Variants in DSCAML1 observed in about 807,000 individuals in gnomAD.
DSCAML1 encodes the protein cell adhesion molecule DSCAML1.
Under a neutral mutation model 200.5 loss-of-function variants are expected in DSCAML1, and 38 were observed. That is an observed-to-expected ratio of 0.19 (90% confidence interval 0.15 to 0.25). The LOEUF (loss-of-function observed/expected upper bound fraction) is 0.25, where lower values mean the gene tolerates loss of function less well. Among genes scored for constraint, DSCAML1 ranks in the 10% least tolerant of loss-of-function variants. The pLI is 1.00. For missense variants in DSCAML1, 2,223 were observed against 2,858.8 expected, an observed-to-expected ratio of 0.78 and a Z score of 5.07; for synonymous variants, 1,215 against 1,165.0, an observed-to-expected ratio of 1.04 and a Z score of -0.87.
intron 3 of DSCAML1, among the ~76,000 whole-genome samples, chr11:117,663,571 C>T (rs556074094): frequency 6.6e-6 from 1 of 152,096 alleles, no homozygotes; most frequent in African/African-American, 2.4e-5. Context: ...AGGAGTGAAC[C>T]CAGTCTCTTC....
chr11:117,736,996 A>G (rs535111352), intron 3 of DSCAML1, among the ~76,000 whole-genome samples: 1 of 152,294 alleles, frequency 6.6e-6, no homozygotes, highest in East Asian at 1.9e-4. Flanking sequence ...ACGAGACCAC[A>G]TTGTCAAGCA....
chr11:117,802,883 T>C (rs2055674088), intron 1 of DSCAML1, among the ~76,000 whole-genome samples: 1 of 152,216 alleles, frequency 6.6e-6, no homozygotes, highest in Non-Finnish European at 1.5e-5. Context: ...CCCAGAGGCA[T>C]ATTTGGGATG....
chr11:117,625,985 C>T (rs373828620), intron 3 of DSCAML1, among the ~76,000 whole-genome samples: 10 of 152,306 alleles, frequency 6.6e-5, no homozygotes, highest in South Asian at 2.1e-4. Flanking sequence ...GTCTGGACAT[C>T]GGTGGAGGAG....
chr11:117,450,524 A>G (rs374910455), intron 20 of DSCAML1, 25 bp downstream of exon 20: 17 of 1,608,992 alleles, frequency 1.1e-5, no homozygotes, highest in South Asian at 4.4e-5. Flanking sequence ...CATCCCCTTC[A>G]TCATCTGGCC....
At position 117,489,395 on chromosome 11, in the gene DSCAML1, T is replaced by C. The variant is rs2049143881; in HGVS notation, c.2360-7233A>G. ...GGAGGCTTTAATGAAATACAACTTC[T>C]CTGCTTTCCTGCAATCTAATTCAAT... On this transcript the variant is annotated intron_variant, in intron 11 of 32. Transcript: ENST00000651296. This position sits in a 1 kb window ranked among gnomAD's most constrained non-coding sequence, Gnocchi z 4.8. Among the ~76,000 whole-genome samples the C allele has an allele frequency of 6.6e-6, 1 of 152,226 alleles. No homozygotes were observed. The highest frequency in any genetic ancestry group is 1.5e-5 in the Non-Finnish European group (1 of 68,034).
At chr11:117,678,966 G>A (rs2053264829) in intron 3 of DSCAML1, among the ~76,000 whole-genome samples, 1 of 152,250 alleles carries the variant, frequency 6.6e-6, no homozygotes, top group Admixed American at 6.5e-5. Context: ...AGTGCCAGAG[G>A]CAGGTTCAAG....
At chr11:117,605,247 C>G (rs1490723747) in intron 3 of DSCAML1, among the ~76,000 whole-genome samples, 2 of 152,078 alleles carry the variant, frequency 1.3e-5, no homozygotes, top group Non-Finnish European at 2.9e-5. Context: ...CCCACTACCC[C>G]CACCCCAAAG....
chr11:117,525,406 C>A (rs189370745), intron 4 of DSCAML1, among the ~76,000 whole-genome samples: 33 of 151,428 alleles, frequency 2.2e-4, no homozygotes, highest in South Asian at 1.9e-3. Flanking sequence ...GCAAGACGTG[C>A]AGGGAGGGAG....
upstream of DSCAML1, chr11:117,801,283 T>C (rs907672656): frequency 3.9e-5 from 6 of 152,214 alleles, no homozygotes; most frequent in African/African-American, 9.7e-5. Flanking sequence ...TTCTTCACCA[T>C]TGAGGTGAAA....
chr11:117,636,257 A>G (rs1812326975), intron 3 of DSCAML1, among the ~76,000 whole-genome samples: 1 of 152,164 alleles, frequency 6.6e-6, no homozygotes, highest in African/African-American at 2.4e-5. Context: ...TGGCCAGAAC[A>G]TTTGGGGAAT....
intron 3 of DSCAML1, among the ~76,000 whole-genome samples, chr11:117,613,108 T>G (rs1190335666): frequency 6.6e-6 from 1 of 152,032 alleles, no homozygotes; most frequent in South Asian, 2.1e-4. Flanking sequence ...AGAGGGTCCA[T>G]GCTCCCCCCA....
At chr11:117,456,686 T>TTG (rs2048376613) in intron 19 of DSCAML1, among the ~76,000 whole-genome samples, 1 of 150,888 alleles carries the variant, frequency 6.6e-6, no homozygotes, top group African/African-American at 2.4e-5. Context: ...TTTTTTTTTT[T>TTG]CTTTTTGAGA....
At chr11:117,714,405 T>G (rs913435062) in intron 3 of DSCAML1, among the ~76,000 whole-genome samples, 4 of 152,156 alleles carry the variant, frequency 2.6e-5, no homozygotes, top group African/African-American at 9.7e-5. Context: ...AGGTGGTGCC[T>G]GCTCAGAAAT....
At chr11:117,717,537 T>A (rs985709786) in intron 3 of DSCAML1, among the ~76,000 whole-genome samples, 1 of 152,174 alleles carries the variant, frequency 6.6e-6, no homozygotes, top group African/African-American at 2.4e-5. Context: ...AGCTCAGAAA[T>A]AAAAGACCCT....
chr11:117,685,992 G>A (rs935384105), intron 3 of DSCAML1, among the ~76,000 whole-genome samples: 1 of 152,126 alleles, frequency 6.6e-6, no homozygotes, highest in Non-Finnish European at 1.5e-5. Flanking sequence ...TGGGAGGGAG[G>A]GTTCTGATGC....
At chr11:117,795,688 G>C (rs1043768895) in intron 1 of DSCAML1, among the ~76,000 whole-genome samples, 3 of 152,198 alleles carry the variant, frequency 2.0e-5, no homozygotes, top group African/African-American at 4.8e-5. Context: ...CCTTGAGTCT[G>C]GCTTTGACCC....
chr11:117,518,402 G>C lies in DSCAML1; in HGVS notation c.1510+64C>G, dbSNP rs2049818146. The C allele has an allele frequency of 6.3e-7, 1 of 1,597,430 alleles. No individual in the cohort carries two copies. The highest frequency in any genetic ancestry group is 1.7e-4 in the Middle Eastern group (1 of 6,036). ...AAGTACTAATCAGCACAAGAATAAT[G>C]GTAACCACAGAGATGGCAAAGGAAC... is the stretch of plus-strand genomic sequence containing the variant. On this transcript the variant is annotated intron_variant, in intron 7 of 32. Transcript: ENST00000651296. This position sits in a 1 kb window ranked among gnomAD's most constrained non-coding sequence, Gnocchi z 6.3.
At position 117,780,303 on chromosome 11, in the gene DSCAML1, AG is replaced by A. The variant is rs1322101685; in HGVS notation, c.364+189del. Among the ~76,000 whole-genome samples, 1 of 93,256 alleles carries A rather than the reference AG, an allele frequency of 1.1e-5. No homozygotes were observed. The highest frequency in any genetic ancestry group is 1.1e-4 in the Admixed American group (1 of 9,344). The allele number at this position is 93,256 out of a possible 152,430, so 61.2% of individuals were successfully genotyped here. ...AAGAAAGAAAGAAAGAAAGAAAGAAAGAGAGAAAGGAGAAAGAAAGGTGTCT... is the reference window on the plus strand; with the variant it reads ...AAGAAAGAAAGAAAGAAAGAAAGAAAAGAGAAAGGAGAAAGAAAGGTGTCT... On this transcript the variant is annotated intron_variant, in intron 2 of 32. Coordinates refer to ENST00000651296, the MANE Select transcript of DSCAML1 (RefSeq NM_020693.4). The surrounding 1 kb of genome is among the most constrained non-coding windows in gnomAD (Gnocchi z 4.8).
At chr11:117,662,108 T>G (rs1055634678) in intron 3 of DSCAML1, among the ~76,000 whole-genome samples, 1 of 152,142 alleles carries the variant, frequency 6.6e-6, no homozygotes, top group Non-Finnish European at 1.5e-5. Context: ...AAAGGCAGCA[T>G]CCCAGGACAA....
Sources: allele counts gnomAD v4.1 joint callset (sites outside exome capture counted in the v4.1 genomes callset), GRCh38; gene constraint gnomAD v4.1.1; non-coding constraint Gnocchi (gnomAD v3.1); transcripts MANE v1.5; gene names NCBI Gene and HGNC (gene_info 2026-07-23, HGNC 2026-07-21).